Variants in FAM13A observed in about 807,000 individuals in gnomAD.
The protein encoded by FAM13A is protein FAM13A.
FAM13A carries 76 observed loss-of-function variants against 129.6 expected under a neutral mutation model. The observed-to-expected ratio is 0.59, with a 90% CI of 0.49 to 0.71. The LOEUF is 0.71. Among genes scored for constraint, FAM13A ranks in the 30% least tolerant of loss-of-function variants. The probability of loss-of-function intolerance (pLI) is 0.00; values close to 1 mark genes in which losing one functional copy is unlikely to be tolerated. For missense variants in FAM13A, 1,108 were observed against 1,249.3 expected, an observed-to-expected ratio of 0.89 and a Z score of 1.70; for synonymous variants, 443 against 449.9, an observed-to-expected ratio of 0.98 and a Z score of 0.20.
intron 1 of FAM13A, among the ~76,000 whole-genome samples, chr4:89,039,199 C>G (rs56749689): frequency 0.015 from 2,233 of 152,288 alleles, 59 homozygotes; most frequent in African/African-American, 0.051. Context: ...GAGAGACATT[C>G]TAACACAGTA....
intron 6 of FAM13A, among the ~76,000 whole-genome samples, chr4:88,884,524 C>A (rs1744102205): frequency 6.6e-6 from 1 of 152,092 alleles, no homozygotes; most frequent in Non-Finnish European, 1.5e-5. Flanking sequence ...CCATCTAGGA[C>A]AAACCCACAG....
chr4:88,918,634 T>C (rs1293439939), intron 5 of FAM13A, among the ~76,000 whole-genome samples: 1 of 152,268 alleles, frequency 6.6e-6, no homozygotes. Flanking sequence ...TGTACAGTCT[T>C]TCTTGTACAA....
chr4:88,950,810 T>A (rs1197000802), intron 4 of FAM13A, among the ~76,000 whole-genome samples: 2 of 152,198 alleles, frequency 1.3e-5, no homozygotes, highest in East Asian at 3.8e-4. Context: ...AAGCAGCACA[T>A]TAAATTAACA....
At chr4:89,021,906 G>A (rs553003512) in intron 2 of FAM13A, among the ~76,000 whole-genome samples, 2 of 152,132 alleles carry the variant, frequency 1.3e-5, no homozygotes, top group Non-Finnish European at 2.9e-5. Flanking sequence ...AAGATTAGGG[G>A]GTAGGGATAG....
chr4:88,797,019 A>G (rs1309106535), intron 8 of FAM13A, among the ~76,000 whole-genome samples: 1 of 152,076 alleles, frequency 6.6e-6, no homozygotes, highest in Non-Finnish European at 1.5e-5. Flanking sequence ...AAACCTCTTG[A>G]CACCTGCTTC....
At chr4:88,874,229 C>A (rs1407832891) in intron 6 of FAM13A, among the ~76,000 whole-genome samples, 1 of 152,102 alleles carries the variant, frequency 6.6e-6, no homozygotes, top group African/African-American at 2.4e-5. Flanking sequence ...AAAACTGGCA[C>A]AAGACAGGGA....
At chr4:88,783,363 G>A (rs557612572) in intron 10 of FAM13A, among the ~76,000 whole-genome samples, 17 of 151,882 alleles carry the variant, frequency 1.1e-4, no homozygotes, top group Middle Eastern at 6.9e-3. Context: ...ACAGTGGTGC[G>A]ATCTAGGCTC....
chr4:89,033,826 G>C (rs1769011869), intron 1 of FAM13A, among the ~76,000 whole-genome samples: 2 of 152,100 alleles, frequency 1.3e-5, no homozygotes, highest in South Asian at 2.1e-4. Flanking sequence ...AAATAAACAA[G>C]GGGAAAGGGT....
chr4:89,024,146 TATTAAA>T (rs1767630967), intron 2 of FAM13A, among the ~76,000 whole-genome samples: 1 of 152,214 alleles, frequency 6.6e-6, no homozygotes, highest in South Asian at 2.1e-4. Context: ...ATAGTATGAA[TATTAAA>T]AACAGAATAT....
intron 6 of FAM13A, among the ~76,000 whole-genome samples, chr4:88,864,533 C>T (rs930880395): frequency 7.2e-5 from 11 of 152,146 alleles, no homozygotes; most frequent in Non-Finnish European, 1.3e-4. Flanking sequence ...CTCAGCCTCC[C>T]GAGTAGCTGG....
chr4:89,042,887 C>T (rs765323018), intron 1 of FAM13A, among the ~76,000 whole-genome samples: 10 of 152,098 alleles, frequency 6.6e-5, no homozygotes, highest in Non-Finnish European at 1.5e-4. Context: ...TTAAAAAAGA[C>T]TCTATGTACT....
intron 8 of FAM13A, among the ~76,000 whole-genome samples, chr4:88,802,137 T>C (rs1727592862): frequency 6.6e-6 from 1 of 152,114 alleles, no homozygotes; most frequent in African/African-American, 2.4e-5. Flanking sequence ...GAGAACAGGG[T>C]ATGAACATCC....
chr4:89,052,112 A>G (rs1287172451), intron 1 of FAM13A, among the ~76,000 whole-genome samples: 17 of 152,006 alleles, frequency 1.1e-4, no homozygotes, highest in Admixed American at 1.0e-3. Flanking sequence ...TGTGGTCACT[A>G]AAGTTTGCTG....
At position 88,902,050 on chromosome 4, in the gene FAM13A, GA is replaced by G. The variant is rs532649117; in HGVS notation, c.843+4328del. Among the ~76,000 whole-genome samples, 292 of 152,080 alleles carry G rather than the reference GA, an allele frequency of 1.9e-3. 2 individuals are homozygous for G. Among genetic ancestry groups the G allele is most frequent in the Middle Eastern group, 0.01 (3 of 294 alleles). On this transcript the variant is annotated intron_variant, in intron 6 of 23. Transcript: ENST00000264344. ...TGGACACATACACCCTCCCAAGACT[GA>G]AACAGGATGAAACTGAGTCTCTGAA...
intron 4 of FAM13A, among the ~76,000 whole-genome samples, chr4:88,970,372 G>C (rs1354511576): frequency 2.6e-5 from 4 of 151,766 alleles, no homozygotes; most frequent in African/African-American, 4.8e-5. Flanking sequence ...TAAAGGCTTT[G>C]AATGCCATGG....
intron 5 of FAM13A, among the ~76,000 whole-genome samples, chr4:88,915,314 T>C (rs11944696): frequency 0.013 from 2,014 of 152,294 alleles, 41 homozygotes; most frequent in African/African-American, 0.046. Context: ...TATCTTTACA[T>C]TAATGAAAGG....
At chr4:88,991,562 A>G (rs567528519) in intron 3 of FAM13A, among the ~76,000 whole-genome samples, 1 of 152,278 alleles carries the variant, frequency 6.6e-6, no homozygotes, top group African/African-American at 2.4e-5. Context: ...TTAATCCCCA[A>G]ATTAAGACAA....
At chr4:88,790,914 A>G (rs1725009983) in intron 8 of FAM13A, among the ~76,000 whole-genome samples, 1 of 152,144 alleles carries the variant, frequency 6.6e-6, no homozygotes, top group South Asian at 2.1e-4. Context: ...ACCTATTGCC[A>G]CAGCAGCCCT....
intron 10 of FAM13A, among the ~76,000 whole-genome samples, chr4:88,784,198 CT>C (rs1723527008): frequency 6.6e-6 from 1 of 152,148 alleles, no homozygotes; most frequent in African/African-American, 2.4e-5. Context: ...CCACGTGTCT[CT>C]TCTACTTCAC....
Sources: gnomAD v4.1 joint callset for allele counts (sites outside exome capture counted in the v4.1 genomes callset) on GRCh38, gnomAD v4.1.1 for gene constraint, MANE v1.5 for transcripts, NCBI Gene and HGNC (gene_info 2026-07-23, HGNC 2026-07-21) for gene names.